COL9A1: variants seen among roughly 807,000 people sequenced by gnomAD.
COL9A1 encodes collagen alpha-1(IX) chain.
In COL9A1, 104 loss-of-function variants were observed where a neutral mutation model predicts 142.6. That is an observed-to-expected ratio of 0.73 (90% CI 0.62 to 0.86). The LOEUF (loss-of-function observed/expected upper bound fraction) is 0.86. Among genes scored for constraint, COL9A1 ranks in the 40% least tolerant of loss-of-function variants. The probability of loss-of-function intolerance (pLI) is 0.00; values close to 1 mark genes in which losing one functional copy is unlikely to be tolerated. For synonymous variants in COL9A1, 466 were observed against 396.0 expected, an observed-to-expected ratio of 1.18 and a Z score of -2.10; for missense variants, 1,210 against 1,176.6, an observed-to-expected ratio of 1.03 and a Z score of -0.42.
At chr6:70,296,329 G>A (rs1379744623) in intron 4 of COL9A1, among the ~76,000 whole-genome samples, 1 of 151,682 alleles carries the variant, frequency 6.6e-6, no homozygotes, top group Non-Finnish European at 1.5e-5. Flanking sequence ...TTTTTTCACT[G>A]GTGACATGTA....
At chr6:70,220,017 C>T (rs1007217409) in intron 37 of COL9A1, among the ~76,000 whole-genome samples, 5 of 152,006 alleles carry the variant, frequency 3.3e-5, no homozygotes, top group African/African-American at 1.2e-4. Context: ...TGCTGCTTAT[C>T]CTCTGAAGGA....
chr6:70,300,746 T>A (rs149487763), intron 2 of COL9A1, among the ~76,000 whole-genome samples: 1 of 152,276 alleles, frequency 6.6e-6, no homozygotes, highest in African/African-American at 2.4e-5. Context: ...AAACCAAAGC[T>A]GAATGGTGTC....
At chr6:70,288,372 A>G (rs577966110) in intron 5 of COL9A1, among the ~76,000 whole-genome samples, 30 of 152,254 alleles carry the variant, frequency 2.0e-4, no homozygotes, top group African/African-American at 6.5e-4. Context: ...GAATTATTGC[A>G]GTAGCTCTTA....
Position 70,303,057 on chromosome 6 carries a change from G to T in COL9A1, c.-133C>A. 2.1e-6 allele frequency: 2 copies of T among 953,714 alleles called. No homozygotes were observed. The highest frequency in any genetic ancestry group is 1.7e-6 in the Non-Finnish European group (1 of 581,242). 59.1% of individuals were successfully genotyped at this position (953,714 alleles called of 1,614,324 possible). On this transcript the variant is annotated 5_prime_UTR_variant, in exon 1 of 38. Coordinates refer to ENST00000357250, the MANE Select transcript of COL9A1 (RefSeq NM_001851.6). ...TCTGGGCCCAGCCTTGGTCCCTCCTGCCCCCGGTGAGGGCTAAAAGCAAAG... is the reference window on the plus strand; with the variant it reads ...TCTGGGCCCAGCCTTGGTCCCTCCTTCCCCCGGTGAGGGCTAAAAGCAAAG...
At chr6:70,249,858 A>G (rs1162275688) in intron 28 of COL9A1, among the ~76,000 whole-genome samples, 2 of 152,150 alleles carry the variant, frequency 1.3e-5, no homozygotes, top group African/African-American at 2.4e-5. Context: ...GTGACTGGCC[A>G]AGCAGCTCTC....
chr6:70,289,025 T>A, intron 5 of COL9A1, among the ~76,000 whole-genome samples: 1 of 152,148 alleles, frequency 6.6e-6, no homozygotes. Flanking sequence ...ATAAGAAATA[T>A]AGTGAAGAAA....
intron 6 of COL9A1, 110 bp downstream of exon 6, chr6:70,283,627 A>G: frequency 1.2e-6 from 1 of 803,754 alleles, no homozygotes; most frequent in Non-Finnish European, 2.2e-6. Flanking sequence ...TCTCTTAGCG[A>G]AAGAGAGTGG....
At chr6:70,251,712 A>G (rs1770957936) in intron 28 of COL9A1, among the ~76,000 whole-genome samples, 1 of 152,158 alleles carries the variant, frequency 6.6e-6, no homozygotes, top group Non-Finnish European at 1.5e-5. Context: ...TGCAGGTGGG[A>G]GGTGGGTATA....
chr6:70,301,974 T>C, intron 2 of COL9A1, 27 bp downstream of exon 2: 1 of 1,581,180 alleles, frequency 6.3e-7, no homozygotes, highest in Non-Finnish European at 8.6e-7. Flanking sequence ...AAGTGATCTT[T>C]GAAAGTCTAG....
intron 37 of COL9A1, among the ~76,000 whole-genome samples, chr6:70,218,111 C>G (rs1349089317): frequency 6.6e-6 from 1 of 152,086 alleles, no homozygotes; most frequent in Non-Finnish European, 1.5e-5. Flanking sequence ...CCACTGCACT[C>G]CAGCCTGGGC....
chr6:70,252,216 G>A (rs1227600478), intron 27 of COL9A1, 43 bp from the exon 28 acceptor site: 4 of 1,613,880 alleles, frequency 2.5e-6, no homozygotes, highest in Non-Finnish European at 2.5e-6. Context: ...AACACCTACT[G>A]ATTACAACAG....
intron 25 of COL9A1, among the ~76,000 whole-genome samples, chr6:70,253,797 A>G (rs1251940586): frequency 3.3e-5 from 5 of 152,222 alleles, no homozygotes; most frequent in Non-Finnish European, 7.3e-5. Flanking sequence ...TTTCATGTAC[A>G]GAGTAATAAA....
Position 70,301,001 on chromosome 6 carries a change from G to A in COL9A1, c.89-615C>T, listed in dbSNP as rs117850270. On this transcript the variant is annotated intron_variant, in intron 2 of 37. Transcript: ENST00000357250. ...AGGATGGATTTGATTTCATAAATTC[G>A]TTCTAAGAGATCAAATAAAAGTCCC... Among the ~76,000 whole-genome samples, 137 of 152,150 alleles carry A rather than the reference G, an allele frequency of 9.0e-4. 3 individuals carry two copies. The East Asian group carries it at 0.021, about 23-fold the overall frequency.
intron 14 of COL9A1, 116 bp from the exon 15 acceptor site, chr6:70,270,483 G>A (rs1417201346): frequency 1.8e-5 from 14 of 792,484 alleles, no homozygotes; most frequent in Admixed American, 3.0e-5. Context: ...GCTCAGCCAT[G>A]CATAGACCTG....
intron 1 of COL9A1, 41 bp downstream of exon 1, chr6:70,302,870 G>A: frequency 6.2e-7 from 1 of 1,610,272 alleles, no homozygotes; most frequent in Non-Finnish European, 8.5e-7. Flanking sequence ...AGGACCCCCA[G>A]CTCCATCTCC....
In COL9A1 at chr6:70,232,640, G is replaced by A. The variant is rs780851685; in HGVS notation, c.2446C>T (p.Arg816Cys). ...ENGFPGQMGIRGLPGIKGPPG... is the reference protein window; with the variant it reads ...ENGFPGQMGICGLPGIKGPPG... The stretch of plus-strand genomic sequence containing the variant: ...GGCCCCTTAATGCCCGGAAGGCCAC[G>A]AATTCCCATCTGGCCTGGGAAACCA... The change falls in exon 36 of 38, where the codon CGT becomes TGT. Residue 816 changes from arginine (R) to cysteine (C), a missense_variant. By Grantham distance (180) the Arg-to-Cys change is radical. Coordinates refer to ENST00000357250, the MANE Select transcript of COL9A1 (RefSeq NM_001851.6). 9.9e-6 allele frequency: 16 copies of A among 1,613,946 alleles called. No individual in the cohort carries two copies. The highest frequency in any genetic ancestry group is 8.8e-5 in the South Asian group (8 of 91,082).
intron 4 of COL9A1, among the ~76,000 whole-genome samples, chr6:70,295,281 C>CTTTTTTTTTTTTTTTTTTTTTTTTTTT (rs1171549562): frequency 1.6e-5 from 1 of 63,130 alleles, no homozygotes; most frequent in African/African-American, 6.4e-5. Context: ...GTTGTTGCTT[C>CTTTTTTTTTTTTTTTTTTTTTTTTTTT]TTTTTTTTTT....
At chr6:70,225,598 A>C (rs530307101) in intron 37 of COL9A1, among the ~76,000 whole-genome samples, 44 of 151,644 alleles carry the variant, frequency 2.9e-4, no homozygotes, top group Middle Eastern at 3.4e-3. Context: ...AAAAAAAAAA[A>C]CAGGAAACTA....
intron 16 of COL9A1, 144 bp from the exon 17 acceptor site, chr6:70,269,004 C>T: frequency 3.0e-6 from 2 of 677,678 alleles, no homozygotes; most frequent in East Asian, 5.6e-5. Flanking sequence ...TTCTAAACAC[C>T]CCTTTCCTTT....
Sources: gnomAD v4.1 joint callset for allele counts (sites outside exome capture counted in the v4.1 genomes callset) on GRCh38, gnomAD v4.1.1 for gene constraint, MANE v1.5 for transcripts, NCBI Gene and HGNC (gene_info 2026-07-23, HGNC 2026-07-21) for gene names.